The following KIF3A variants were observed in gnomAD, a reference collection of about 807,000 sequenced individuals.
KIF3A encodes kinesin-like protein KIF3A.
KIF3A carries 27 observed loss-of-function variants against 92.6 expected under a neutral mutation model. That is an observed-to-expected ratio of 0.29 (90% CI 0.21 to 0.40). The LOEUF (loss-of-function observed/expected upper bound fraction) is 0.40. KIF3A is among the 10% of genes least tolerant of loss of function. The pLI is 1.00. For synonymous variants in KIF3A, 250 were observed against 275.4 expected (o/e 0.91, Z 0.92); for missense variants, 581 against 872.6 (o/e 0.67, Z 4.21).
intron 11 of KIF3A, 137 bp downstream of exon 11, chr5:132,706,314 A>G (rs908988272): frequency 1.9e-5 from 10 of 513,178 alleles, no homozygotes; most frequent in Non-Finnish European, 3.2e-5. Context: ...AAGTTGAAAG[A>G]TTGTTAAAAA....
chr5:132,735,129 C>T (rs1202560309), intron 1 of KIF3A, among the ~76,000 whole-genome samples: 1 of 152,080 alleles, frequency 6.6e-6, no homozygotes, highest in Non-Finnish European at 1.5e-5. Flanking sequence ...GGCTGGAGTG[C>T]AGTGGCGTGA....
At position 132,703,463 on chromosome 5, in the gene KIF3A, T is replaced by C; in HGVS notation, c.1466A>G (p.Gln489Arg). 1 of 1,603,504 alleles carries C rather than the reference T, an allele frequency of 6.2e-7. No individual in the cohort carries two copies. Reference sequence around the variant, plus strand: ...TTCATCTCAATTCAATAATACTCACTGGGCTTTAAGAAGATCTTTTTCCCG... The same window carrying C: ...TTCATCTCAATTCAATAATACTCACCGGGCTTTAAGAAGATCTTTTTCCCG... The part of the protein sequence containing the change: ...EKREKDLLKA[Q>R]QEHQSLLEKL... The change falls in exon 12 of 19, where the codon CAA becomes CGA. Residue 489 changes from glutamine (Q) to arginine (R), a missense_variant and splice_region_variant. Transcript: ENST00000403231.
chr5:132,717,625 T>C (rs939739655), intron 5 of KIF3A, among the ~76,000 whole-genome samples: 3 of 151,428 alleles, frequency 2.0e-5, no homozygotes, highest in African/African-American at 7.3e-5. Context: ...CATAACATAA[T>C]CCTACTTCTG....
Position 132,708,922 on chromosome 5 carries a change from C to A in KIF3A, c.1285G>T (p.Asp429Tyr). Residue 429 changes from aspartate to tyrosine, a missense_variant, in exon 10 of 19, where the codon GAT (aspartate) becomes TAT (tyrosine). Physicochemically the swap from Asp to Tyr is radical, Grantham distance 160 (BLOSUM62 -3). Around this residue, in one of 5 missense-constraint regions of KIF3A, gnomAD observed 167 missense variants for 205.8 expected, o/e 0.81. Coordinates refer to ENST00000403231, the MANE Select transcript of KIF3A (RefSeq NM_001300791.2). ...TACCACTCACTAGGCAAGAACTTAT[C>A]CAGAGGTTTCTCTATGACAGAACAT... is the stretch of plus-strand genomic sequence containing the variant. Reference protein sequence around the residue: ...STCSVIEKPLDKFLPNQAGKK... With the variant: ...STCSVIEKPLYKFLPNQAGKK... 6.5e-7 allele frequency: 1 copy of A among 1,549,886 alleles called. No individual in the cohort carries two copies. Among genetic ancestry groups the A allele is most frequent in the Non-Finnish European group, 8.7e-7 (1 of 1,146,442 alleles).
At chr5:132,711,589 CA>C (rs56387903) in intron 8 of KIF3A, among the ~76,000 whole-genome samples, 88,285 of 148,188 alleles carry the variant, frequency 0.6, 28,035 homozygotes, top group Non-Finnish European at 0.74. Context: ...GACTCTGTCT[CA>C]AAAAAAAAAA....
intron 18 of KIF3A, chr5:132,697,576 G>C (rs879903338): frequency 1.3e-5 from 2 of 152,124 alleles, no homozygotes; most frequent in Admixed American, 6.5e-5. Flanking sequence ...AACACTCTGG[G>C]AGGCTGAGGT....
In KIF3A at chr5:132,710,838, ATCT is replaced by A. The variant is rs2149901670; in HGVS notation, c.1228+118_1228+120del. 10 of 1,336,012 alleles carry A rather than the reference ATCT, an allele frequency of 7.5e-6. No homozygotes were observed. The East Asian group carries it at 2.4e-4, about 32-fold the overall frequency. 82.8% of individuals were successfully genotyped at this position (1,336,012 alleles called of 1,614,324 possible). On this transcript the variant is annotated intron_variant, in intron 9 of 18. Coordinates refer to ENST00000403231, the MANE Select transcript of KIF3A (RefSeq NM_001300791.2). ...AAAGTTAACCAGGTAAATGGCATACATCTTCTGTTCTAATTGTTATCTAATATA... is the reference window on the plus strand; with the variant it reads ...AAAGTTAACCAGGTAAATGGCATACATCTGTTCTAATTGTTATCTAATATA...
intron 2 of KIF3A, among the ~76,000 whole-genome samples, chr5:132,730,199 G>A (rs1022744737): frequency 6.6e-6 from 1 of 152,200 alleles, no homozygotes; most frequent in African/African-American, 2.4e-5. Context: ...GGGCACGGTG[G>A]CTCACGCCTG....
At chr5:132,711,908 T>A (rs1344886791) in intron 8 of KIF3A, among the ~76,000 whole-genome samples, 1 of 152,170 alleles carries the variant, frequency 6.6e-6, no homozygotes, top group Non-Finnish European at 1.5e-5. Context: ...AAAAAAGGAA[T>A]GATGAAGCCA....
At chr5:132,699,728 T>C (rs1752966779) in intron 17 of KIF3A, among the ~76,000 whole-genome samples, 1 of 151,528 alleles carries the variant, frequency 6.6e-6, no homozygotes, top group South Asian at 2.1e-4. Context: ...CCGGCTAATT[T>C]TTTTTGTATT....
At chr5:132,699,325 C>G (rs374868142) in intron 17 of KIF3A, 30 bp from the exon 18 acceptor site, 1 of 1,606,236 alleles carries the variant, frequency 6.2e-7, no homozygotes, top group Non-Finnish European at 8.5e-7. Flanking sequence ...ACAAAGCACT[C>G]TTAAGGCAAA....
At chr5:132,712,660 C>T (rs1424484108) in intron 8 of KIF3A, among the ~76,000 whole-genome samples, 1 of 152,192 alleles carries the variant, frequency 6.6e-6, no homozygotes, top group Non-Finnish European at 1.5e-5. Flanking sequence ...GTATCCCCCA[C>T]AAGATACATG....
chr5:132,691,474 G>A (rs1418511903), downstream of KIF3A, among the ~76,000 whole-genome samples: 1 of 151,850 alleles, frequency 6.6e-6, no homozygotes, highest in African/African-American at 2.4e-5. Context: ...TTGAACTTGG[G>A]GGGCGGAGAT....
intron 4 of KIF3A, 121 bp downstream of exon 4, chr5:132,726,007 A>G: frequency 3.2e-6 from 2 of 615,922 alleles, no homozygotes; most frequent in Non-Finnish European, 5.6e-6. Context: ...GACATTATAT[A>G]TGTACGAGAT....
intron 10 of KIF3A, among the ~76,000 whole-genome samples, chr5:132,708,207 G>A (rs1259458435): frequency 1.3e-5 from 2 of 151,348 alleles, no homozygotes; most frequent in South Asian, 2.1e-4. Context: ...GCGTGAACCC[G>A]GGAGGCGGAG....
At chr5:132,732,556 C>T (rs1315349381) in intron 2 of KIF3A, among the ~76,000 whole-genome samples, 4 of 152,136 alleles carry the variant, frequency 2.6e-5, no homozygotes, top group African/African-American at 9.7e-5. Flanking sequence ...GCGGGTGGAT[C>T]ACAAGATCAG....
downstream of KIF3A, among the ~76,000 whole-genome samples, chr5:132,691,793 T>G (rs1008408243): frequency 5.9e-5 from 9 of 151,716 alleles, no homozygotes; most frequent in Non-Finnish European, 1.3e-4. Flanking sequence ...TCCCAGCTAC[T>G]CAGGAGGCTG....
chr5:132,726,525 C>T (rs765625407), intron 2 of KIF3A, 27 bp from the exon 3 acceptor site: 228 of 1,601,448 alleles, frequency 1.4e-4, no homozygotes, highest in Non-Finnish European at 1.9e-4. Flanking sequence ...GAATCAGTTA[C>T]TTCTTAAAGT....
chr5:132,716,734 C>T, intron 6 of KIF3A, 111 bp downstream of exon 6: 2 of 1,168,372 alleles, frequency 1.7e-6, no homozygotes, highest in South Asian at 1.3e-5. Context: ...ACACAAGTAA[C>T]ACCTTAAAAA....
Sources: gnomAD v4.1 joint callset for allele counts (sites outside exome capture counted in the v4.1 genomes callset) on GRCh38, gnomAD v4.1.1 for gene constraint, gnomAD v4.1.1 regional missense constraint, MANE v1.5 for transcripts, NCBI Gene and HGNC (gene_info 2026-07-23, HGNC 2026-07-21) for gene names.